The following NINL variants were observed in gnomAD, a reference collection of about 807,000 sequenced individuals.
The protein encoded by NINL is ninein-like protein.
A neutral mutation model predicts 160.3 loss-of-function variants in NINL; 153 were observed. The ratio of observed to expected loss-of-function variants is 0.95; its 90% CI spans 0.84 to 1.09. The LOEUF (loss-of-function observed/expected upper bound fraction) is 1.09. Among genes scored for constraint, NINL ranks in the 50% least tolerant of loss-of-function variants. The probability of loss-of-function intolerance (pLI) is 0.00; values close to 1 mark genes in which losing one functional copy is unlikely to be tolerated. For synonymous variants in NINL, 800 were observed against 734.8 expected, an observed-to-expected ratio of 1.09 and a Z score of -1.43; for missense variants, 1,829 against 1,764.0, an observed-to-expected ratio of 1.04 and a Z score of -0.66.
At chr20:25,580,691 C>T (rs2065164900) in intron 1 of NINL, among the ~76,000 whole-genome samples, 1 of 152,208 alleles carries the variant, frequency 6.6e-6, no homozygotes, top group Non-Finnish European at 1.5e-5. Flanking sequence ...TCCTCTGTCC[C>T]AGAAAATTGT....
chr20:25,520,475 A>G (rs2146931955), intron 2 of NINL, among the ~76,000 whole-genome samples: 1 of 152,294 alleles, frequency 6.6e-6, no homozygotes, highest in South Asian at 2.1e-4. Context: ...TCTGACATTA[A>G]ATTATACATG....
intron 1 of NINL, among the ~76,000 whole-genome samples, chr20:25,537,231 C>T (rs1311195685): frequency 1.3e-5 from 2 of 151,860 alleles, no homozygotes; most frequent in African/African-American, 4.8e-5. Flanking sequence ...TACAGGTGTG[C>T]ACCACCCTGC....
intron 21 of NINL, among the ~76,000 whole-genome samples, chr20:25,460,572 T>C (rs1252796330): frequency 6.6e-6 from 1 of 152,136 alleles, no homozygotes; most frequent in African/African-American, 2.4e-5. Context: ...CAGGGTTCCT[T>C]TTAGACTCAA....
At chr20:25,479,238 G>C (rs142494577) in intron 15 of NINL, 32 bp from the exon 16 acceptor site, 24 of 1,572,158 alleles carry the variant, frequency 1.5e-5, no homozygotes, top group Non-Finnish European at 2.1e-5. Context: ...CCGTGGACCA[G>C]GAGACCCTAA....
In NINL at chr20:25,513,007, C is replaced by A. The variant is rs762229581; in HGVS notation, c.278-1G>T. The stretch of plus-strand genomic sequence containing the variant: ...TTTGGAGGGATGGCACTGGAGGCAG[C>A]TGGAAAGGAAACAGGAAATTTGGTG... On this transcript the variant is annotated splice_acceptor_variant, in intron 3 of 23. Transcript: ENST00000278886. LOFTEE classifies it high-confidence loss of function. 1.3e-6 allele frequency: 2 copies of A among 1,593,306 alleles called. No individual in the cohort carries two copies. Among genetic ancestry groups the A allele is most frequent in the South Asian group, 2.2e-5 (2 of 89,646 alleles).
Position 25,470,047 on chromosome 20 carries a change from A to C in NINL, c.3297T>G (p.Asp1099Glu). 5 of 1,614,154 alleles carry C rather than the reference A, an allele frequency of 3.1e-6. No homozygotes were observed. Among genetic ancestry groups the C allele is most frequent in the Non-Finnish European group, 4.2e-6 (5 of 1,180,020 alleles). Reference sequence around the variant, plus strand: ...CAAGCTCTTGCCGAACCCTTCCCAGATCGTTTTTCAACAAAGTGTTTTCTT... The same window carrying C: ...CAAGCTCTTGCCGAACCCTTCCCAGCTCGTTTTTCAACAAAGTGTTTTCTT... The part of the protein sequence containing the change: ...LSEENTLLKN[D>E]LGRVRQELEA... Residue 1099 changes from aspartate (D) to glutamate (E), a missense_variant, in exon 18 of 24, where the codon GAT becomes GAG. Asp to Glu is a conservative substitution (Grantham distance 45). Coordinates refer to ENST00000278886, the MANE Select transcript of NINL (RefSeq NM_025176.6).
At chr20:25,480,347 T>C in intron 14 of NINL, 80 bp from the exon 15 acceptor site, 2 of 1,084,128 alleles carry the variant, frequency 1.8e-6, no homozygotes, top group South Asian at 2.6e-5. Context: ...TCTGATATTT[T>C]GGCATTGGCA....
At chr20:25,508,515 G>C (rs962768153) in intron 5 of NINL, among the ~76,000 whole-genome samples, 1 of 152,236 alleles carries the variant, frequency 6.6e-6, no homozygotes. Context: ...GGGGGTTCCC[G>C]GGGTACAGGG....
chr20:25,468,604 C>T (rs1165554391), intron 18 of NINL, among the ~76,000 whole-genome samples: 1 of 139,408 alleles, frequency 7.2e-6, no homozygotes, highest in African/African-American at 2.7e-5. Context: ...GCCCCTCTGT[C>T]CTGTCCCCTG....
At chr20:25,574,729 A>G (rs566600971) in intron 1 of NINL, among the ~76,000 whole-genome samples, 1 of 152,322 alleles carries the variant, frequency 6.6e-6, no homozygotes, top group South Asian at 2.1e-4. Flanking sequence ...ACAGAAATCC[A>G]GTCTGGAATA....
chr20:25,508,810 C>T (rs1188947309), intron 5 of NINL, among the ~76,000 whole-genome samples: 1 of 152,210 alleles, frequency 6.6e-6, no homozygotes, highest in African/African-American at 2.4e-5. Context: ...GCATCCTGCA[C>T]TCCCTACACC....
chr20:25,555,777 C>G (rs758639504), intron 1 of NINL, among the ~76,000 whole-genome samples: 1 of 152,148 alleles, frequency 6.6e-6, no homozygotes, highest in Admixed American at 6.5e-5. Flanking sequence ...CGGGTTCAAG[C>G]GATTCTCGTG....
At chr20:25,549,498 C>CATGGACCTGGCTCTTA (rs1484610099) in intron 1 of NINL, among the ~76,000 whole-genome samples, 1 of 152,234 alleles carries the variant, frequency 6.6e-6, no homozygotes, top group Non-Finnish European at 1.5e-5. Flanking sequence ...CGTTGCTCAG[C>CATGGACCTGGCTCTTA]ATGGACCTGG....
Position 25,504,883 on chromosome 20 carries a change from CT to C in NINL, c.708+4del, listed in dbSNP as rs778402213. 4 of 1,610,144 alleles carry C rather than the reference CT, an allele frequency of 2.5e-6. No individual in the cohort carries two copies. The highest frequency in any genetic ancestry group is 2.5e-6 in the Non-Finnish European group (3 of 1,179,776). ...TGTGGCTGGGTGGCCTGCTGTGCCC[CT>C]CACCTCTTTCTCGAGTCCCTGGAGC... On this transcript the variant is annotated splice_donor_region_variant and intron_variant, in intron 6 of 23. Coordinates refer to ENST00000278886, the MANE Select transcript of NINL (RefSeq NM_025176.6).
chr20:25,501,736 T>C (rs2063871617), intron 7 of NINL, among the ~76,000 whole-genome samples: 1 of 152,198 alleles, frequency 6.6e-6, no homozygotes, highest in Admixed American at 6.5e-5. Context: ...TGGACTCAAG[T>C]GATCCTCCTG....
chr20:25,473,833 A>G (rs997740774), intron 17 of NINL, among the ~76,000 whole-genome samples: 2 of 152,160 alleles, frequency 1.3e-5, no homozygotes, highest in African/African-American at 4.8e-5. Flanking sequence ...GTACCACTGC[A>G]CTCCAGTCTG....
At chr20:25,538,513 T>C (rs1367476561) in intron 1 of NINL, among the ~76,000 whole-genome samples, 1 of 151,724 alleles carries the variant, frequency 6.6e-6, no homozygotes, top group Non-Finnish European at 1.5e-5. Flanking sequence ...CTGGTGTAGA[T>C]GGTGGGCAGC....
intron 1 of NINL, among the ~76,000 whole-genome samples, chr20:25,561,933 G>A (rs1384714124): frequency 2.0e-4 from 29 of 147,398 alleles, no homozygotes; most frequent in East Asian, 1.0e-3. Context: ...CAGCCGCCCC[G>A]TCCGGGAGGG....
In NINL at chr20:25,476,382, C is replaced by T; in HGVS notation, c.2909G>A (p.Gly970Glu). The change falls in exon 17 of 24, where the codon GGA becomes GAA. Residue 970 changes from glycine to glutamate, a missense_variant. Physicochemically the swap from Gly to Glu is moderately conservative, Grantham distance 98. Coordinates refer to ENST00000278886, the MANE Select transcript of NINL (RefSeq NM_025176.6). ...PPLRPAASCR[G>E]QAERLQAIQE... is the part of the protein sequence containing the mutation. Reference sequence around the variant, plus strand: ...AATGGCCTGTAGCCTCTCAGCCTGTCCCCTGCACGAAGCGGCCGGCCTCAG... The same window carrying T: ...AATGGCCTGTAGCCTCTCAGCCTGTTCCCTGCACGAAGCGGCCGGCCTCAG... The T allele has an allele frequency of 1.2e-6, 2 of 1,610,390 alleles. No homozygotes were observed. Among genetic ancestry groups the T allele is most frequent in the Non-Finnish European group, 1.7e-6 (2 of 1,179,524 alleles).
Sources: gnomAD v4.1 joint callset for allele counts (sites outside exome capture counted in the v4.1 genomes callset) on GRCh38, gnomAD v4.1.1 for gene constraint, MANE v1.5 for transcripts, NCBI Gene and HGNC (gene_info 2026-07-23, HGNC 2026-07-21) for gene names.